ZMYM2: variants seen among roughly 807,000 people sequenced by gnomAD.
ZMYM2 encodes zinc finger MYM-type protein 2.
A neutral mutation model predicts 162.8 loss-of-function variants in ZMYM2; 56 were observed. The ratio of observed to expected loss-of-function variants is 0.34; its 90% CI spans 0.28 to 0.43. The LOEUF is 0.43. Ranked by LOEUF, ZMYM2 falls within the 20% of genes least tolerant of loss-of-function variation. The pLI is 1.00. For synonymous variants in ZMYM2, 510 were observed against 541.6 expected, an observed-to-expected ratio of 0.94 and a Z score of 0.81; for missense variants, 1,275 against 1,621.8, an observed-to-expected ratio of 0.79 and a Z score of 3.67.
the ZMYM2 span, among the ~76,000 whole-genome samples, chr13:19,899,592 T>C: frequency 6.7e-6 from 1 of 149,982 alleles, no homozygotes; most frequent in Non-Finnish European, 1.5e-5. Flanking sequence ...CTGAGGTGGG[T>C]GGATCACTAG....
At chr13:19,876,170 G>T in the ZMYM2 span, among the ~76,000 whole-genome samples, 1 of 151,858 alleles carries the variant, frequency 6.6e-6, no homozygotes, top group Non-Finnish European at 1.5e-5. Context: ...GGGATTACAG[G>T]CACCCACCAC....
chr13:19,903,454 A>G, the ZMYM2 span, among the ~76,000 whole-genome samples: 65 of 146,280 alleles, frequency 4.4e-4, 1 homozygote, highest in African/African-American at 1.4e-3. Flanking sequence ...CCTGGCCAAC[A>G]TGGTGAAACC....
chr13:19,966,114 G>GTTTTTTTT (rs1166436755), intron 2 of ZMYM2, among the ~76,000 whole-genome samples: 1 of 135,020 alleles, frequency 7.4e-6, no homozygotes, highest in African/African-American at 2.8e-5. Context: ...ATATTTGCTT[G>GTTTTTTTT]TTTTTTTTTT....
chr13:20,057,537 CTA>C (rs1407476564), intron 14 of ZMYM2, among the ~76,000 whole-genome samples: 10 of 152,132 alleles, frequency 6.6e-5, no homozygotes, highest in African/African-American at 2.2e-4. Flanking sequence ...GTTGTTTACT[CTA>C]TGTGATTACT....
At chr13:20,061,972 G>A (rs1593179035) in intron 17 of ZMYM2, among the ~76,000 whole-genome samples, 1 of 152,128 alleles carries the variant, frequency 6.6e-6, no homozygotes, top group Non-Finnish European at 1.5e-5. Flanking sequence ...CAGTGCTTGC[G>A]CTACATGGTA....
Position 20,085,923 on chromosome 13 carries a change from G to A in ZMYM2, c.4043G>A (p.Arg1348Gln), listed in dbSNP as rs771015589. 5.0e-6 allele frequency: 8 copies of A among 1,613,722 alleles called. No individual in the cohort carries two copies. The highest frequency in any genetic ancestry group is 6.8e-6 in the Non-Finnish European group (8 of 1,179,760). ...TGGTATACGTCTACTTCACTGGACCGAAACACCTTGGAAAATATGCTTGTA... is the reference window on the plus strand; with the variant it reads ...TGGTATACGTCTACTTCACTGGACCAAAACACCTTGGAAAATATGCTTGTA... Reference protein sequence around the residue: ...PVWYTSTSLDRNTLENMLVRV... With the variant: ...PVWYTSTSLDQNTLENMLVRV... Residue 1348 changes from arginine to glutamine, a missense_variant, in exon 25 of 25, where the codon CGA (arginine) becomes CAA (glutamine). Coordinates refer to ENST00000610343, the MANE Select transcript of ZMYM2 (RefSeq NM_197968.4).
the ZMYM2 span, chr13:19,865,134 G>A: frequency 1.3e-5 from 2 of 152,200 alleles, no homozygotes; most frequent in African/African-American, 2.4e-5. Flanking sequence ...CTAATGCAGG[G>A]GTGGCCAATC....
chr13:20,046,181 G>A (rs1222525426), intron 12 of ZMYM2, among the ~76,000 whole-genome samples: 2 of 152,000 alleles, frequency 1.3e-5, no homozygotes, highest in East Asian at 1.9e-4. Flanking sequence ...GAGCCCAGGA[G>A]TTCGAGGTGA....
chr13:19,998,933 A>C (rs1161580194), intron 3 of ZMYM2, among the ~76,000 whole-genome samples: 1 of 152,242 alleles, frequency 6.6e-6, no homozygotes, highest in Non-Finnish European at 1.5e-5. Flanking sequence ...AAAGAAATTT[A>C]TGAGAGACCA....
At position 20,050,577 on chromosome 13, in the gene ZMYM2, C is replaced by T. The variant is rs116436710; in HGVS notation, c.2293-856C>T. 1.3e-3 allele frequency among the ~76,000 whole-genome samples: 198 copies of T among 151,924 alleles called. 1 individual carries two copies. In the Middle Eastern group the frequency reaches 0.014, roughly 10 times the overall value. On this transcript the variant is annotated intron_variant, in intron 12 of 24. Transcript: ENST00000610343. Reference sequence around the variant, plus strand: ...AAAAGAACTGTATTTGAAATTACATCGTTTTTCTGTATTTGAAGATACATC... The same window carrying T: ...AAAAGAACTGTATTTGAAATTACATTGTTTTTCTGTATTTGAAGATACATC...
intron 1 of ZMYM2, among the ~76,000 whole-genome samples, chr13:19,959,327 C>T (rs1954909536): frequency 1.3e-5 from 2 of 152,080 alleles, no homozygotes; most frequent in South Asian, 4.1e-4. Context: ...CCACCGGAGC[C>T]GAGGTCCCCA....
chr13:19,878,679 G>A, the ZMYM2 span, among the ~76,000 whole-genome samples: 1 of 151,748 alleles, frequency 6.6e-6, no homozygotes, highest in Non-Finnish European at 1.5e-5. Context: ...TCACCACCAT[G>A]CCTGGCTAAT....
At chr13:19,873,429 G>A in the ZMYM2 span, among the ~76,000 whole-genome samples, 2 of 89,526 alleles carry the variant, frequency 2.2e-5, no homozygotes, top group Non-Finnish European at 5.3e-5. Flanking sequence ...TATTTATTGA[G>A]GCAGAGTCTT....
At chr13:19,987,366 C>T (rs984747673) in intron 2 of ZMYM2, among the ~76,000 whole-genome samples, 3 of 151,674 alleles carry the variant, frequency 2.0e-5, no homozygotes, top group East Asian at 3.9e-4. Flanking sequence ...TTGGTTCAAG[C>T]GATTCTCCTG....
the ZMYM2 span, among the ~76,000 whole-genome samples, chr13:19,889,660 G>A: frequency 6.6e-6 from 1 of 151,818 alleles, no homozygotes; most frequent in Non-Finnish European, 1.5e-5. Flanking sequence ...CTCCTGCACA[G>A]ATGCTGATAC....
the ZMYM2 span, among the ~76,000 whole-genome samples, chr13:19,887,911 C>A: frequency 1.3e-5 from 2 of 149,196 alleles, no homozygotes; most frequent in Non-Finnish European, 3.0e-5. Context: ...GATGGAGTCT[C>A]ACTTTGTCAC....
At chr13:19,888,496 T>A in the ZMYM2 span, among the ~76,000 whole-genome samples, 1 of 152,008 alleles carries the variant, frequency 6.6e-6, no homozygotes, top group Non-Finnish European at 1.5e-5. Flanking sequence ...GCTGTGCTTT[T>A]ATTTTATATA....
chr13:19,884,025 T>C, the ZMYM2 span, among the ~76,000 whole-genome samples: 1 of 152,214 alleles, frequency 6.6e-6, no homozygotes, highest in African/African-American at 2.4e-5. Context: ...CCAAAAGCGC[T>C]GGGATCACAG....
At chr13:20,063,122 A>G (rs1366444861) in intron 18 of ZMYM2, among the ~76,000 whole-genome samples, 151 bp downstream of exon 18, 1 of 151,962 alleles carries the variant, frequency 6.6e-6, no homozygotes, top group Admixed American at 6.6e-5. Flanking sequence ...AGTTAACTTC[A>G]TATTTTGTTG....
Sources: allele counts gnomAD v4.1 joint callset (sites outside exome capture counted in the v4.1 genomes callset), GRCh38; gene constraint gnomAD v4.1.1; transcripts MANE v1.5; gene names NCBI Gene and HGNC (gene_info 2026-07-23, HGNC 2026-07-21).